UBXN6: variants seen among roughly 807,000 people sequenced by gnomAD.
UBXN6 encodes UBX domain-containing protein 6.
Under a neutral mutation model 51.4 loss-of-function variants are expected in UBXN6, and 44 were observed. The ratio of observed to expected loss-of-function variants is 0.86; its 90% confidence interval spans 0.67 to 1.10. The LOEUF is 1.10. Among genes scored for constraint, UBXN6 ranks in the 50% least tolerant of loss-of-function variants. UBXN6 has a pLI of 0.00. For synonymous variants in UBXN6, 316 were observed against 263.2 expected (o/e 1.20, Z -1.94); for missense variants, 672 against 596.1 (o/e 1.13, Z -1.32).
upstream of UBXN6, chr19:4,457,876 G>T (rs1471529009): frequency 5.8e-5 from 24 of 411,562 alleles, no homozygotes; most frequent in South Asian, 7.2e-4. Context: ...CGTGACAATC[G>T]ACTAGACGTG....
Position 4,446,296 on chromosome 19 carries a change from G to A in UBXN6, c.1038C>T (p.Gly346=). The change falls in exon 9 of 11, where the codon GGC becomes GGT. Residue 346 remains glycine (G), a synonymous_variant. Coordinates refer to ENST00000301281, the MANE Select transcript of UBXN6 (RefSeq NM_025241.3). ...YTLLRVRLPD[G]CLLQGTFYAR... is the part of the protein sequence containing the mutation. ...GTTGGTGCCCACCCTGCAGGAGGCA[G>A]CCATCGGGGAGGCGCACGCGCAGCA... 5 of 1,571,998 alleles carry A rather than the reference G, an allele frequency of 3.2e-6. No homozygotes were observed. Among genetic ancestry groups the A allele is most frequent in the Non-Finnish European group, 4.3e-6 (5 of 1,163,566 alleles).
At position 4,457,635 on chromosome 19, in the gene UBXN6, C is replaced by T. The variant is rs1672650465; in HGVS notation, c.63G>A (p.Gln21=). Residue 21 remains glutamine, a synonymous_variant, in exon 1 of 11, where the codon CAG becomes CAA. Transcript: ENST00000301281. The part of the protein sequence containing the change: ...DIKFKSAGPG[Q]KLKESVGEKA... ...CGCACCCCACGGACTCTTTGAGCTT[C>T]TGACCGGGTCCCGCGCTCTTGAACT... 2 of 1,601,328 alleles carry T rather than the reference C, an allele frequency of 1.2e-6. No individual in the cohort carries two copies. Among genetic ancestry groups the T allele is most frequent in the Non-Finnish European group, 1.7e-6 (2 of 1,175,082 alleles).
Position 4,446,712 on chromosome 19 carries a change from G to C in UBXN6, c.708C>G (p.Pro236=), listed in dbSNP as rs761580414. 12 of 1,608,886 alleles carry C rather than the reference G, an allele frequency of 7.5e-6. No individual in the cohort carries two copies. Among genetic ancestry groups the C allele is most frequent in the Non-Finnish European group, 1.0e-5 (12 of 1,176,786 alleles). ...VLLPAQDQED[P]EEFYVLSETT... ...TCTCGCTCAGCACGTAGAACTCCTC[G>C]GGGTCCTCTACAGCGTGGCAGGACA... Residue 236 remains proline, a synonymous_variant, in exon 8 of 11, where the codon CCC becomes CCG. Transcript: ENST00000301281.
chr19:4,452,753 C>T (rs1025630768), intron 3 of UBXN6, among the ~76,000 whole-genome samples: 1 of 152,152 alleles, frequency 6.6e-6, no homozygotes, highest in Non-Finnish European at 1.5e-5. Flanking sequence ...GCTTCTGACA[C>T]GCAGGAAACA....
At chr19:4,457,479 T>A in intron 1 of UBXN6, 136 bp downstream of exon 1, 1 of 317,314 alleles carries the variant, frequency 3.2e-6, no homozygotes, top group Non-Finnish European at 4.3e-6. Context: ...CCGGCGCCTC[T>A]CCCCCTCCCC....
At chr19:4,447,230 C>T in intron 6 of UBXN6, 1 of 573,100 alleles carries the variant, frequency 1.7e-6, no homozygotes, top group East Asian at 2.9e-5. Context: ...CTGCCCTTTC[C>T]CCCAGAAGAA....
intron 2 of UBXN6, among the ~76,000 whole-genome samples, 163 bp from the exon 3 acceptor site, chr19:4,453,685 G>A (rs2145187676): frequency 6.6e-6 from 1 of 152,100 alleles, no homozygotes; most frequent in East Asian, 1.9e-4. Context: ...GACTTGCTGT[G>A]CAGCCACCCC....
At position 4,446,013 on chromosome 19, in the gene UBXN6, A is replaced by G. The variant is rs763163672; in HGVS notation, c.1200+36T>C. On this transcript the variant is annotated intron_variant, in intron 10 of 10. Coordinates refer to ENST00000301281, the MANE Select transcript of UBXN6 (RefSeq NM_025241.3). ...CGGTCCCAGGAGAACCTGCAGAGGC[A>G]TCGGGTCAGCGGTGCTCCTGCGGGC... The G allele has an allele frequency of 5.1e-6, 8 of 1,574,326 alleles. No individual in the cohort carries two copies. In the Admixed American group the frequency reaches 5.4e-5, roughly 11 times the overall value.
At chr19:4,446,954 T>C in intron 6 of UBXN6, 34 bp from the exon 7 acceptor site, 1 of 1,593,840 alleles carries the variant, frequency 6.3e-7, no homozygotes, top group Non-Finnish European at 8.6e-7. Context: ...TGGGGGCCCC[T>C]GGCTTCCTCC....
chr19:4,451,752 C>T (rs1291334454), intron 4 of UBXN6, among the ~76,000 whole-genome samples: 2 of 152,002 alleles, frequency 1.3e-5, no homozygotes, highest in African/African-American at 2.4e-5. Context: ...ATTCTCTTGC[C>T]TCAGCCTCCC....
At chr19:4,447,511 C>T in intron 6 of UBXN6, 39 bp downstream of exon 6, 1 of 1,610,216 alleles carries the variant, frequency 6.2e-7, no homozygotes, top group Non-Finnish European at 8.5e-7. Context: ...GCTGCCCCCA[C>T]CCCCAGCCTG....
At chr19:4,454,188 C>T in intron 1 of UBXN6, 95 bp from the exon 2 acceptor site, 1 of 1,342,928 alleles carries the variant, frequency 7.4e-7, no homozygotes, top group East Asian at 2.5e-5. Context: ...CCCTCCCCAG[C>T]ACCATCAGCC....
At chr19:4,448,696 C>A (rs1974593850) in intron 4 of UBXN6, 1 of 472,018 alleles carries the variant, frequency 2.1e-6, no homozygotes, top group South Asian at 2.3e-5. Context: ...TGTGACGCGA[C>A]AGAACTGTGC....
Position 4,446,297 on chromosome 19 carries a change from C to T in UBXN6, c.1037G>A (p.Gly346Asp). The change falls in exon 9 of 11, where the codon GGC (glycine) becomes GAC (aspartate). Residue 346 changes from glycine (G) to aspartate (D), a missense_variant. Coordinates refer to ENST00000301281, the MANE Select transcript of UBXN6 (RefSeq NM_025241.3). ...TTGGTGCCCACCCTGCAGGAGGCAGCCATCGGGGAGGCGCACGCGCAGCAG... is the reference window on the plus strand; with the variant it reads ...TTGGTGCCCACCCTGCAGGAGGCAGTCATCGGGGAGGCGCACGCGCAGCAG... ...YTLLRVRLPD[G>D]CLLQGTFYAR... 1 of 1,571,462 alleles carries T rather than the reference C, an allele frequency of 6.4e-7. No individual in the cohort carries two copies. Among genetic ancestry groups the T allele is most frequent in the Non-Finnish European group, 8.6e-7 (1 of 1,163,426 alleles).
chr19:4,452,819 G>C (rs1284797914), intron 3 of UBXN6, among the ~76,000 whole-genome samples: 1 of 152,194 alleles, frequency 6.6e-6, no homozygotes, highest in Non-Finnish European at 1.5e-5. Flanking sequence ...GTTGAGGAAG[G>C]AGCTCTGTGT....
chr19:4,445,581 G>C lies in UBXN6; in HGVS notation c.1243C>G (p.Leu415Val), dbSNP rs781621616. Reference sequence around the variant, plus strand: ...GCCCCCGCGGCCTTGATGTCCTCCAGCACAGCCATGTCCCACGAGAAGGTC... The same window carrying C: ...GCCCCCGCGGCCTTGATGTCCTCCACCACAGCCATGTCCCACGAGAAGGTC... ...LLTFSWDMAV[L>V]EDIKAAGAEP... Residue 415 changes from leucine to valine, a missense_variant, in exon 11 of 11, where the codon CTG becomes GTG. Transcript: ENST00000301281. 6 of 1,613,626 alleles carry C rather than the reference G, an allele frequency of 3.7e-6. No individual in the cohort carries two copies. The Admixed American group carries it at 6.7e-5, about 18-fold the overall frequency.
chr19:4,454,008 C>T lies in UBXN6; in HGVS notation c.169G>A (p.Ala57Thr), dbSNP rs372645367. ...GPTNEAQMAA[A>T]AALARLEQKQ... is the part of the protein sequence containing the mutation. The stretch of plus-strand genomic sequence containing the variant: ...TGCTCCAGCCGGGCTAGGGCGGCAG[C>T]GGCTGCCATCTGTGCCTCATTGGTG... Residue 57 changes from alanine (A) to threonine (T), a missense_variant, in exon 2 of 11, where the codon GCT becomes ACT. By Grantham distance (58) the Ala-to-Thr change is moderately conservative. Transcript: ENST00000301281. 67 of 1,607,092 alleles carry T rather than the reference C, an allele frequency of 4.2e-5. No individual in the cohort carries two copies. Among genetic ancestry groups the T allele is most frequent in the Non-Finnish European group, 5.2e-5 (61 of 1,178,362 alleles).
chr19:4,454,990 C>G (rs1361175746), intron 1 of UBXN6: 1 of 157,102 alleles, frequency 6.4e-6, no homozygotes, highest in African/African-American at 2.4e-5. Flanking sequence ...GGAGAGCGGA[C>G]AGCAGAACCA....
intron 1 of UBXN6, among the ~76,000 whole-genome samples, chr19:4,456,244 A>G (rs1190714653): frequency 6.8e-6 from 1 of 147,648 alleles, no homozygotes; most frequent in African/African-American, 2.5e-5. Flanking sequence ...GGTTGAATCA[A>G]TGAAGGGCTC....
Sources: gnomAD v4.1 joint callset for allele counts (sites outside exome capture counted in the v4.1 genomes callset) on GRCh38, gnomAD v4.1.1 for gene constraint, MANE v1.5 for transcripts, NCBI Gene and HGNC (gene_info 2026-07-23, HGNC 2026-07-21) for gene names.